The following ANKRD46 variants were observed in gnomAD, a reference collection of about 807,000 sequenced individuals.
ANKRD46 encodes ankyrin repeat domain 46.
ANKRD46 carries 13 observed loss-of-function variants against 19.8 expected under a neutral mutation model. The observed-to-expected ratio is 0.66, with a 90% CI of 0.43 to 1.04. The LOEUF (loss-of-function observed/expected upper bound fraction) is 1.04, where lower values mean the gene tolerates loss of function less well. Among genes scored for constraint, ANKRD46 ranks in the 50% least tolerant of loss-of-function variants. ANKRD46 has a pLI of 0.00. For synonymous variants in ANKRD46, 91 were observed against 106.9 expected (o/e 0.85, Z 0.92); for missense variants, 185 against 274.8 (o/e 0.67, Z 2.31).
Position 100,511,493 on chromosome 8 carries a change from T to G in ANKRD46, c.637-854A>C, listed in dbSNP as rs1270166550. 6.6e-6 allele frequency among the ~76,000 whole-genome samples: 1 copy of G among 152,174 alleles called. No individual in the cohort carries two copies. On this transcript the variant is annotated intron_variant, in intron 5 of 5. Coordinates refer to the ANKRD46 transcript ENST00000520552. The surrounding 1 kb of genome is among the most constrained non-coding windows in gnomAD (Gnocchi z 4.1). ...GTGTACTGAGGGTAGGCATGTCATC[T>G]CATCCTTTCACATCTATTCTTGTAA...
chr8:100,510,197 A>C lies in ANKRD46; in HGVS notation c.*380T>G, dbSNP rs1811528597. The C allele has an allele frequency of 5.0e-6, 1 of 198,328 alleles. No individual in the cohort carries two copies. Among genetic ancestry groups the C allele is most frequent in the Non-Finnish European group, 1.0e-5 (1 of 98,674 alleles). The allele number at this position is 198,328 out of a possible 1,614,324, so 12.3% of individuals were successfully genotyped here. A position where few individuals can be genotyped will look rare whatever the true frequency, so the allele number is the denominator to read the frequency against. On this transcript the variant is annotated 3_prime_UTR_variant, in exon 6 of 6. Transcript: ENST00000520552. This position sits in a 1 kb window ranked among gnomAD's most constrained non-coding sequence, Gnocchi z 4.9. ...GGATCCCCACAGTCCATGGAGACAA[A>C]CAAAACAGCATGACATCACCCGCCT...
In ANKRD46 at chr8:100,546,338, G is replaced by A. The variant is rs1812272543; in HGVS notation, c.-130-13027C>T. Among the ~76,000 whole-genome samples, 1 of 152,240 alleles carries A rather than the reference G, an allele frequency of 6.6e-6. No individual in the cohort carries two copies. Among genetic ancestry groups the A allele is most frequent in the Non-Finnish European group, 1.5e-5 (1 of 68,040 alleles). On this transcript the variant is annotated intron_variant, in intron 1 of 4. Coordinates refer to ENST00000335659, the MANE Select transcript of ANKRD46 (RefSeq NM_001270377.2). The surrounding 1 kb of genome is among the most constrained non-coding windows in gnomAD (Gnocchi z 4.0). ...CTGCTCTCTGCAGCCTCAGGATATG[G>A]TGTCCAGTGTCCCAGCCACTCCGGC...
chr8:100,535,263 G>A (rs1812041740), intron 1 of ANKRD46, among the ~76,000 whole-genome samples: 1 of 152,186 alleles, frequency 6.6e-6, no homozygotes. Flanking sequence ...GTCATAAAGT[G>A]AATACAAATC....
chr8:100,545,629 A>G lies in ANKRD46; in HGVS notation c.-130-12318T>C, dbSNP rs546987473. Among the ~76,000 whole-genome samples the G allele has an allele frequency of 7.2e-5, 11 of 152,344 alleles. 1 individual carries two copies. In the South Asian group the frequency reaches 2.1e-3, roughly 29 times the overall value. On this transcript the variant is annotated intron_variant, in intron 1 of 4. Transcript: ENST00000335659. This position sits in a 1 kb window ranked among gnomAD's most constrained non-coding sequence, Gnocchi z 4.7. Reference sequence around the variant, plus strand: ...AGAGAATTAGTACCAGGAGTAGGGCACTGCTATAAAAATAACCTGAAAAAA... The same window carrying G: ...AGAGAATTAGTACCAGGAGTAGGGCGCTGCTATAAAAATAACCTGAAAAAA...
rs1812205990 is a variant in ANKRD46 at position 100,543,073 on chromosome 8, A to C, written c.-130-9762T>G. Among the ~76,000 whole-genome samples, 1 of 152,174 alleles carries C rather than the reference A, an allele frequency of 6.6e-6. No homozygotes were observed. On this transcript the variant is annotated intron_variant, in intron 1 of 4. Transcript: ENST00000335659. This position sits in a 1 kb window ranked among gnomAD's most constrained non-coding sequence, Gnocchi z 4.2. ...TGACAAGTTCCTATATCAGTTTCCCATGGAGCTATTTTTGCAAACTGCCCA... is the reference window on the plus strand; with the variant it reads ...TGACAAGTTCCTATATCAGTTTCCCCTGGAGCTATTTTTGCAAACTGCCCA...
chr8:100,517,679 C>G (rs1811656574), downstream of ANKRD46, among the ~76,000 whole-genome samples: 1 of 152,198 alleles, frequency 6.6e-6, no homozygotes, highest in Non-Finnish European at 1.5e-5. Flanking sequence ...CCAAGATCCC[C>G]CCTTAGAAAA....
Position 100,559,703 on chromosome 8 carries a change from C to G in ANKRD46, c.-131+8G>C, listed in dbSNP as rs892491140. 1 of 152,892 alleles carries G rather than the reference C, an allele frequency of 6.5e-6. No individual in the cohort carries two copies. The highest frequency in any genetic ancestry group is 2.4e-5 in the African/African-American group (1 of 41,474). The allele number at this position is 152,892 out of a possible 1,614,324, so 9.5% of individuals were successfully genotyped here. On this transcript the variant is annotated splice_region_variant and intron_variant, in intron 1 of 4. Coordinates refer to ENST00000335659, the MANE Select transcript of ANKRD46 (RefSeq NM_001270377.2). This position sits in a 1 kb window ranked among gnomAD's most constrained non-coding sequence, Gnocchi z 6.0. Reference sequence around the variant, plus strand: ...CCAGGCGCTGCCCACAGGCCCCGGGCCAAGTACCTGCGACTCGAACGAGCA... The same window carrying G: ...CCAGGCGCTGCCCACAGGCCCCGGGGCAAGTACCTGCGACTCGAACGAGCA...
At chr8:100,514,610 CCAT>C (rs1811597931) in intron 5 of ANKRD46, among the ~76,000 whole-genome samples, 1 of 77,318 alleles carries the variant, frequency 1.3e-5, no homozygotes, top group African/African-American at 5.7e-5. Context: ...GGTTATTCCT[CCAT>C]CTTCTTTTTT....
chr8:100,510,687 C>G lies in ANKRD46; in HGVS notation c.637-48G>C. On this transcript the variant is annotated intron_variant, in intron 5 of 5. Transcript: ENST00000520552. The surrounding 1 kb of genome is among the most constrained non-coding windows in gnomAD (Gnocchi z 4.9). ...TTAAAAAAAAAAAAAAATCCCAGTT[C>G]TGTTAAGCTGCAGAGATGTGCCAGG... 4.2e-6 allele frequency: 6 copies of G among 1,419,766 alleles called. No individual in the cohort carries two copies. Among genetic ancestry groups the G allele is most frequent in the African/African-American group, 1.4e-5 (1 of 70,152 alleles). 87.9% of individuals were successfully genotyped at this position (1,419,766 alleles called of 1,614,324 possible). A position where few individuals can be genotyped will look rare whatever the true frequency, so the allele number is the denominator to read the frequency against.
chr8:100,522,958 A>T lies in ANKRD46; in HGVS notation c.471-187T>A, dbSNP rs116447134. On this transcript the variant is annotated intron_variant, in intron 4 of 4. Transcript: ENST00000335659. ...TTACGTATCTGAACAATATATACTA[A>T]ACTGTAAATTGCTAAATGGTAATGA... 7.1e-3 allele frequency among the ~76,000 whole-genome samples: 1,079 copies of T among 151,898 alleles called. 15 individuals are homozygous for T. The highest frequency in any genetic ancestry group is 0.025 in the African/African-American group (1,032 of 41,430).
rs965238391 is a variant in ANKRD46 at position 100,510,510 on chromosome 8, C to G, written c.*67G>C. 6.9e-7 allele frequency: 1 copy of G among 1,442,620 alleles called. No homozygotes were observed. Among genetic ancestry groups the G allele is most frequent in the Non-Finnish European group, 9.3e-7 (1 of 1,071,062 alleles). 89.4% of individuals were successfully genotyped at this position (1,442,620 alleles called of 1,614,324 possible). ...CGGAAACAGCCCCACCCAACAGGGA[C>G]GCTGACGTCTGTATCCCTTCTTTCT... On this transcript the variant is annotated 3_prime_UTR_variant, in exon 6 of 6. Coordinates refer to the ANKRD46 transcript ENST00000520552. The surrounding 1 kb of genome is among the most constrained non-coding windows in gnomAD (Gnocchi z 4.9).
downstream of ANKRD46, among the ~76,000 whole-genome samples, chr8:100,516,476 C>T (rs945307559): frequency 3.9e-5 from 6 of 152,200 alleles, no homozygotes; most frequent in Admixed American, 3.3e-4. Flanking sequence ...CCTATCAATT[C>T]ACACTAATAG....
At chr8:100,518,867 AT>A (rs35129257), downstream of ANKRD46, among the ~76,000 whole-genome samples, 64,466 of 150,844 alleles carry the variant, frequency 0.43, 14,074 homozygotes, top group Non-Finnish European at 0.47. Flanking sequence ...AAAAAAATAA[AT>A]AAAATAAAAA....
At chr8:100,522,890 CACACACACACACACAT>C (rs1444178465) in intron 4 of ANKRD46, 119 bp from the exon 5 acceptor site, 11 of 569,862 alleles carry the variant, frequency 1.9e-5, no homozygotes, top group South Asian at 3.9e-5. Context: ...CACACACACA[CACACACACACACACAT>C]ATATATATAT....
At chr8:100,520,566 G>T (rs1418141140), downstream of ANKRD46, among the ~76,000 whole-genome samples, 1 of 152,006 alleles carries the variant, frequency 6.6e-6, no homozygotes, top group Non-Finnish European at 1.5e-5. Flanking sequence ...TGGTAGTTAT[G>T]ATCATCACCC....
Position 100,510,397 on chromosome 8 carries a change from G to T in ANKRD46, c.*180C>A, listed in dbSNP as rs1252928929. On this transcript the variant is annotated 3_prime_UTR_variant, in exon 6 of 6. Coordinates refer to the ANKRD46 transcript ENST00000520552. The surrounding 1 kb of genome is among the most constrained non-coding windows in gnomAD (Gnocchi z 4.9). ...GGTGCCCGGGCTGCCTGCAGGGCAG[G>T]ACTGGAGAGGAGGGGACAGGTGGTA... 3 of 506,042 alleles carry T rather than the reference G, an allele frequency of 5.9e-6. No homozygotes were observed. The highest frequency in any genetic ancestry group is 1.0e-5 in the Non-Finnish European group (3 of 296,788). The allele number at this position is 506,042 out of a possible 1,614,324, so 31.3% of individuals were successfully genotyped here.
Position 100,510,219 on chromosome 8 carries a change from G to A in ANKRD46, c.*358C>T, listed in dbSNP as rs770888495. 2 of 224,662 alleles carry A rather than the reference G, an allele frequency of 8.9e-6. No homozygotes were observed. Among genetic ancestry groups the A allele is most frequent in the South Asian group, 1.8e-4 (1 of 5,688 alleles). 13.9% of individuals were successfully genotyped at this position (224,662 alleles called of 1,614,324 possible). A position where few individuals can be genotyped will look rare whatever the true frequency, so the allele number is the denominator to read the frequency against. The stretch of plus-strand genomic sequence containing the variant: ...CAAACAAAACAGCATGACATCACCC[G>A]CCTGGGAGTTGTCATTTCAGACACC... On this transcript the variant is annotated 3_prime_UTR_variant, in exon 6 of 6. Coordinates refer to the ANKRD46 transcript ENST00000520552. The surrounding 1 kb of genome is among the most constrained non-coding windows in gnomAD (Gnocchi z 4.9).
chr8:100,520,533 C>G (rs1811703342), downstream of ANKRD46, among the ~76,000 whole-genome samples: 1 of 152,060 alleles, frequency 6.6e-6, no homozygotes, highest in African/African-American at 2.4e-5. Context: ...TAAAAACTTG[C>G]ATAATTGGGA....
intron 5 of ANKRD46, among the ~76,000 whole-genome samples, chr8:100,513,181 G>A (rs1302864652): frequency 6.6e-6 from 1 of 152,134 alleles, no homozygotes; most frequent in Non-Finnish European, 1.5e-5. Flanking sequence ...AACATACATT[G>A]AGTCCCTACA....
Sources: allele counts gnomAD v4.1 joint callset (sites outside exome capture counted in the v4.1 genomes callset), GRCh38; gene constraint gnomAD v4.1.1; non-coding constraint Gnocchi (gnomAD v3.1); transcripts MANE v1.5; gene names NCBI Gene and HGNC (gene_info 2026-07-23, HGNC 2026-07-21).